BEND2: variants seen among roughly 807,000 people sequenced by gnomAD.
BEND2 encodes the protein BEN domain containing 2, also known as BEN domain-containing protein 2.
BEND2 carries 19 observed loss-of-function variants against 43.8 expected under a neutral mutation model. The observed-to-expected ratio is 0.43, with a 90% CI of 0.30 to 0.64. The LOEUF is 0.64. Among genes scored for constraint, BEND2 ranks in the 30% least tolerant of loss-of-function variants. The probability of loss-of-function intolerance (pLI) is 0.11; values close to 1 mark genes in which losing one functional copy is unlikely to be tolerated. For synonymous variants in BEND2, 226 were observed against 210.1 expected (o/e 1.08, Z -0.66); for missense variants, 544 against 574.0 (o/e 0.95, Z 0.53).
chrX:18,195,123 G>C lies in BEND2; in HGVS notation c.1180+173C>G, dbSNP rs1782722716. On this transcript the variant is annotated intron_variant, in intron 7 of 13. Coordinates refer to ENST00000380033, the MANE Select transcript of BEND2 (RefSeq NM_153346.5). ...AAATATAATTATTGGGGGAAATTAGGTAAAGGGTAGTCAGGATTTTTCTGT... is the reference window on the plus strand; with the variant it reads ...AAATATAATTATTGGGGGAAATTAGCTAAAGGGTAGTCAGGATTTTTCTGT... 2.7e-5 allele frequency among the ~76,000 whole-genome samples: 3 copies of C among 111,510 alleles called. No individual in the cohort carries two copies. The Admixed American group carries it at 2.9e-4, about 11-fold the overall frequency.
intron 9 of BEND2, 27 bp from the exon 10 acceptor site, chrX:18,177,796 A>C: frequency 8.6e-7 from 1 of 1,163,807 alleles, no homozygotes. Context: ...AAAAAGGAAC[A>C]TCCTTGGTTT....
At chrX:18,218,090 G>T (rs943569748) in intron 1 of BEND2, among the ~76,000 whole-genome samples, 2 of 109,751 alleles carry the variant, frequency 1.8e-5, no homozygotes, top group Admixed American at 9.8e-5. Flanking sequence ...GCGACAAAAC[G>T]AGACCCTGTC....
intron 8 of BEND2, among the ~76,000 whole-genome samples, chrX:18,183,686 G>C (rs979864812): frequency 2.7e-5 from 3 of 111,989 alleles, no homozygotes; most frequent in Non-Finnish European, 5.6e-5. Context: ...AGGCCTGGCA[G>C]CATTCACCGT....
intron 13 of BEND2, among the ~76,000 whole-genome samples, chrX:18,170,031 C>CT (rs991316373): frequency 7.2e-5 from 8 of 110,498 alleles, no homozygotes; most frequent in East Asian, 2.8e-4. Flanking sequence ...TGCCTACAAA[C>CT]TTTTTTTTTA....
chrX:18,214,896 A>G (rs1925633300), intron 2 of BEND2, among the ~76,000 whole-genome samples: 2 of 110,391 alleles, frequency 1.8e-5, no homozygotes, highest in Admixed American at 1.9e-4. Flanking sequence ...GAATCTAAAT[A>G]AAAAGAGAAA....
At chrX:18,217,998 T>TGGGAGGCTGAGGTAGGATGGCTTGCACCC (rs1389507482) in intron 1 of BEND2, among the ~76,000 whole-genome samples, 17 of 108,606 alleles carry the variant, frequency 1.6e-4, no homozygotes, top group Non-Finnish European at 2.7e-4. Context: ...CCCAGCTACT[T>TGGGAGGCTGAGGTAGGATGGCTTGCACCC]GGGAGGCTGA....
At chrX:18,188,938 C>A (rs1023715033) in intron 8 of BEND2, among the ~76,000 whole-genome samples, 1 of 112,101 alleles carries the variant, frequency 8.9e-6, no homozygotes, top group Admixed American at 9.4e-5. Flanking sequence ...CAGTGGCTCA[C>A]GCCTGTAATC....
At chrX:18,193,449 G>A (rs899726465) in intron 7 of BEND2, among the ~76,000 whole-genome samples, 4 of 111,823 alleles carry the variant, frequency 3.6e-5, no homozygotes, top group Non-Finnish European at 7.5e-5. Context: ...GACAAAACTA[G>A]GTAGAACTAA....
chrX:18,192,921 C>T (rs1449052063), intron 7 of BEND2, among the ~76,000 whole-genome samples: 4 of 111,998 alleles, frequency 3.6e-5, no homozygotes, highest in Non-Finnish European at 7.5e-5. Context: ...AGGTGGATCA[C>T]TTGGTGCCAG....
At chrX:18,186,528 TA>T (rs1924578839) in intron 8 of BEND2, among the ~76,000 whole-genome samples, 1 of 107,805 alleles carries the variant, frequency 9.3e-6, no homozygotes, top group Admixed American at 9.9e-5. Context: ...AAAGGGAAAT[TA>T]AGTTAAAGTG....
chrX:18,213,993 TA>T (rs1430518013), intron 2 of BEND2, 82 bp from the exon 3 acceptor site: 5 of 106,110 alleles, frequency 4.7e-5, no homozygotes, highest in Non-Finnish European at 8.0e-5. Context: ...AACCAAATTC[TA>T]TTTTTTAAGC....
At chrX:18,215,519 T>G (rs749999431) in intron 2 of BEND2, among the ~76,000 whole-genome samples, 2 of 112,189 alleles carry the variant, frequency 1.8e-5, no homozygotes, top group Non-Finnish European at 3.8e-5. Context: ...GCTAAGATAT[T>G]ATGGACTTTT....
intron 12 of BEND2, among the ~76,000 whole-genome samples, chrX:18,173,815 G>T (rs960100166): frequency 9.0e-6 from 1 of 111,726 alleles, no homozygotes; most frequent in Non-Finnish European, 1.9e-5. Context: ...GCCACTTTCC[G>T]TAGGAAAAAT....
In BEND2 at chrX:18,220,781, C is replaced by G. The variant is rs1430509988; in HGVS notation, c.-31G>C. ...GATGGCGGGGTCTGGCTCTGAGGCCCGAGACCTGAGGCCCGAGACCTGAGG... is the reference window on the plus strand; with the variant it reads ...GATGGCGGGGTCTGGCTCTGAGGCCGGAGACCTGAGGCCCGAGACCTGAGG... On this transcript the variant is annotated 5_prime_UTR_variant, in exon 1 of 14. Coordinates refer to ENST00000380033, the MANE Select transcript of BEND2 (RefSeq NM_153346.5). 8.3e-7 allele frequency: 1 copy of G among 1,198,549 alleles called. No individual in the cohort carries two copies. Among genetic ancestry groups the G allele is most frequent in the Non-Finnish European group, 1.1e-6 (1 of 887,139 alleles).
At chrX:18,212,289 G>A (rs778128337) in intron 4 of BEND2, among the ~76,000 whole-genome samples, 19 of 109,427 alleles carry the variant, frequency 1.7e-4, no homozygotes, top group Admixed American at 4.9e-4. Flanking sequence ...AGAAGAGATG[G>A]GGTTTCACCA....
chrX:18,204,482 G>A (rs760247102), intron 4 of BEND2, among the ~76,000 whole-genome samples: 2 of 112,066 alleles, frequency 1.8e-5, no homozygotes, highest in Non-Finnish European at 3.8e-5. Flanking sequence ...CCACAAAGAC[G>A]GTCAACCTGC....
At chrX:18,203,949 T>A (rs774384457) in intron 4 of BEND2, 34 bp from the exon 5 acceptor site, 1 of 1,112,680 alleles carries the variant, frequency 9.0e-7, no homozygotes, top group East Asian at 3.0e-5. Context: ...TGAGTAAAGT[T>A]ATTTTCTTCG....
At chrX:18,200,629 C>A (rs1925113242) in intron 6 of BEND2, among the ~76,000 whole-genome samples, 1 of 110,175 alleles carries the variant, frequency 9.1e-6, no homozygotes, top group Non-Finnish European at 1.9e-5. Flanking sequence ...CATACTGTAA[C>A]ATTCCCTTAA....
At chrX:18,191,506 C>G (rs1924769503) in intron 7 of BEND2, among the ~76,000 whole-genome samples, 1 of 112,138 alleles carries the variant, frequency 8.9e-6, no homozygotes, top group African/African-American at 3.2e-5. Context: ...GACCCAGCAA[C>G]AGCACTCTTG....
Sources: gnomAD v4.1 joint callset for allele counts (sites outside exome capture counted in the v4.1 genomes callset) on GRCh38, gnomAD v4.1.1 for gene constraint, MANE v1.5 for transcripts, NCBI Gene and HGNC (gene_info 2026-07-23, HGNC 2026-07-21) for gene names.